PRUNE2: variants seen among roughly 807,000 people sequenced by gnomAD.
The protein encoded by PRUNE2 is protein prune homolog 2.
In PRUNE2, 164 loss-of-function variants were observed where a neutral mutation model predicts 252.0. The observed-to-expected ratio is 0.65, with a 90% confidence interval of 0.57 to 0.74. PRUNE2 has a LOEUF of 0.74. Among genes scored for constraint, PRUNE2 ranks in the 30% least tolerant of loss-of-function variants. PRUNE2 has a pLI of 0.00. For synonymous variants in PRUNE2, 1,292 were observed against 1,350.2 expected, an observed-to-expected ratio of 0.96 and a Z score of 0.94; for missense variants, 3,495 against 3,711.0, an observed-to-expected ratio of 0.94 and a Z score of 1.51.
chr9:76,906,066 G>GC lies in PRUNE2; in HGVS notation c.-104dup. 7.7e-7 allele frequency: 1 copy of GC among 1,293,576 alleles called. No homozygotes were observed. Among genetic ancestry groups the GC allele is most frequent in the Non-Finnish European group, 1.1e-6 (1 of 894,796 alleles). The allele number at this position is 1,293,576 out of a possible 1,614,324, so 80.1% of individuals were successfully genotyped here. On this transcript the variant is annotated 5_prime_UTR_variant, in exon 1 of 19. Transcript: ENST00000376718. ...TCCCGGGAAAGTGGCCCGCCGGGGC[G>GC]CAGCGACCGACTGCTCCCTCCTGCC...
chr9:76,616,002 T>G (rs1829448451), intron 18 of PRUNE2, among the ~76,000 whole-genome samples: 1 of 152,082 alleles, frequency 6.6e-6, no homozygotes, highest in African/African-American at 2.4e-5. Flanking sequence ...TCTCTTGACC[T>G]CGTGATCCGC....
intron 6 of PRUNE2, chr9:76,823,254 C>CTTTTTTT (rs1267451049): frequency 6.9e-6 from 1 of 144,010 alleles, no homozygotes; most frequent in Non-Finnish European, 1.5e-5. Context: ...TTTCTTTTTT[C>CTTTTTTT]TTTTTTTTTT....
At chr9:76,863,980 A>G (rs2060694245) in intron 1 of PRUNE2, among the ~76,000 whole-genome samples, 2 of 152,182 alleles carry the variant, frequency 1.3e-5, no homozygotes, top group South Asian at 4.1e-4. Flanking sequence ...TACCACAAAG[A>G]CACATGCACT....
intron 6 of PRUNE2, among the ~76,000 whole-genome samples, chr9:76,763,078 T>G (rs964467026): frequency 6.6e-6 from 1 of 152,198 alleles, no homozygotes; most frequent in Non-Finnish European, 1.5e-5. Context: ...CATCTGGCAA[T>G]GTGTACTTTT....
intron 6 of PRUNE2, chr9:76,739,672 G>A (rs2049402425): frequency 6.6e-6 from 1 of 152,086 alleles, no homozygotes; most frequent in African/African-American, 2.4e-5. Context: ...GAGGGATAAA[G>A]GCCATAAATA....
Position 76,796,667 on chromosome 9 carries a change from G to T in PRUNE2, c.756+26965C>A, listed in dbSNP as rs529428409. 9.5e-4 allele frequency among the ~76,000 whole-genome samples: 145 copies of T among 152,256 alleles called. 2 individuals are homozygous for T. The highest frequency in any genetic ancestry group is 3.4e-3 in the African/African-American group (143 of 41,550). On this transcript the variant is annotated intron_variant, in intron 6 of 18. Coordinates refer to ENST00000376718, the MANE Select transcript of PRUNE2 (RefSeq NM_015225.3). The stretch of plus-strand genomic sequence containing the variant: ...TATGTGTCAACTTGACTGCCACATG[G>T]GATGTCCGGACATTTGGCCAAACAT...
intron 15 of PRUNE2, among the ~76,000 whole-genome samples, chr9:76,632,126 C>T (rs531178511): frequency 9.9e-5 from 15 of 152,284 alleles, no homozygotes; most frequent in South Asian, 2.1e-4. Flanking sequence ...TGTGTCTTTA[C>T]GGTAGAATGA....
At chr9:76,835,590 A>G (rs2058915773) in intron 4 of PRUNE2, among the ~76,000 whole-genome samples, 1 of 152,162 alleles carries the variant, frequency 6.6e-6, no homozygotes. Context: ...TTGGTTTTAT[A>G]ACTAGCAGAA....
chr9:76,862,587 T>C (rs1313365765), intron 1 of PRUNE2: 1 of 152,074 alleles, frequency 6.6e-6, no homozygotes, highest in Non-Finnish European at 1.5e-5. Flanking sequence ...GTCCAAGAGT[T>C]TTAAAGCCCA....
chr9:76,681,071 A>G (rs2043375009), intron 9 of PRUNE2, among the ~76,000 whole-genome samples: 1 of 152,226 alleles, frequency 6.6e-6, no homozygotes, highest in Admixed American at 6.5e-5. Context: ...ACGAAATATT[A>G]TTCAGCCTTA....
In PRUNE2 at chr9:76,707,226, G is replaced by T; in HGVS notation, c.5048C>A (p.Thr1683Lys). The T allele has an allele frequency of 6.2e-7, 1 of 1,613,928 alleles. No individual in the cohort carries two copies. The highest frequency in any genetic ancestry group is 8.5e-7 in the Non-Finnish European group (1 of 1,179,880). Residue 1683 changes from threonine (T) to lysine (K), a missense_variant, in exon 8 of 19, where the codon ACA becomes AAA. Coordinates refer to ENST00000376718, the MANE Select transcript of PRUNE2 (RefSeq NM_015225.3). Reference protein sequence around the residue: ...VQPEDARVISTSSGSDDDSVG... With the variant: ...VQPEDARVISKSSGSDDDSVG... ...ACTGTCATCATCAGAACCTGAGCTT[G>T]TTGAAATGACCCTGGCATCCTCTGG...
At chr9:76,763,938 T>C (rs1284610113) in intron 6 of PRUNE2, among the ~76,000 whole-genome samples, 1 of 152,184 alleles carries the variant, frequency 6.6e-6, no homozygotes, top group Non-Finnish European at 1.5e-5. Context: ...GTTTGAAAGA[T>C]ATTAGTAAAG....
At chr9:76,633,412 T>A (rs1168937269) in intron 15 of PRUNE2, among the ~76,000 whole-genome samples, 3 of 151,606 alleles carry the variant, frequency 2.0e-5, no homozygotes, top group Non-Finnish European at 4.4e-5. Context: ...AAATCCTGTC[T>A]CTGCCAAAAA....
chr9:76,872,193 T>C (rs1171722131), intron 1 of PRUNE2, among the ~76,000 whole-genome samples: 1 of 152,106 alleles, frequency 6.6e-6, no homozygotes, highest in Non-Finnish European at 1.5e-5. Flanking sequence ...CCAAGCATCG[T>C]CACAGGCACA....
At chr9:76,867,110 T>C (rs532292872) in intron 1 of PRUNE2, among the ~76,000 whole-genome samples, 1 of 151,848 alleles carries the variant, frequency 6.6e-6, no homozygotes, top group Non-Finnish European at 1.5e-5. Flanking sequence ...GAGATTAGAG[T>C]AGCAAAAACA....
intron 6 of PRUNE2, chr9:76,779,557 G>A (rs984889607): frequency 6.6e-6 from 1 of 152,112 alleles, no homozygotes; most frequent in Non-Finnish European, 1.5e-5. Flanking sequence ...TTATTCCTGT[G>A]GAAGGACAGC....
rs1564093692 is a variant in PRUNE2 at position 76,705,937 on chromosome 9, C to T, written c.6337G>A (p.Ala2113Thr). The T allele has an allele frequency of 6.2e-7, 1 of 1,614,008 alleles. No homozygotes were observed. Among genetic ancestry groups the T allele is most frequent in the East Asian group, 2.2e-5 (1 of 44,878 alleles). The change falls in exon 8 of 19, where the codon GCA (alanine) becomes ACA (threonine). Residue 2113 changes from alanine (A) to threonine (T), a missense_variant. Ala to Thr is a moderately conservative substitution (Grantham distance 58, BLOSUM62 0). Coordinates refer to ENST00000376718, the MANE Select transcript of PRUNE2 (RefSeq NM_015225.3). ...DSPDICHDSEAKQETEKHLSA... is the reference protein window; with the variant it reads ...DSPDICHDSETKQETEKHLSA... ...AGGTGCTTCTCAGTCTCTTGCTTTG[C>T]TTCAGAATCGTGACATATATCAGGG... is the stretch of plus-strand genomic sequence containing the variant.
intron 1 of PRUNE2, among the ~76,000 whole-genome samples, chr9:76,885,694 G>C (rs751922446): frequency 6.6e-6 from 1 of 152,056 alleles, no homozygotes; most frequent in Non-Finnish European, 1.5e-5. Context: ...TTTGGAGTTC[G>C]ACTGCTTGGG....
intron 1 of PRUNE2, among the ~76,000 whole-genome samples, chr9:76,897,390 CTTTTTTTTTTTT>C (rs55702049): frequency 0.056 from 3,137 of 56,368 alleles, 388 homozygotes; most frequent in African/African-American, 0.18. Context: ...AGGCAAACCT[CTTTTTTTTTTTT>C]TTTTTTTTTT....
Sources: allele counts gnomAD v4.1 joint callset (sites outside exome capture counted in the v4.1 genomes callset), GRCh38; gene constraint gnomAD v4.1.1; transcripts MANE v1.5; gene names NCBI Gene and HGNC (gene_info 2026-07-23, HGNC 2026-07-21).